Variants in EYA3 observed in about 807,000 individuals in gnomAD.
EYA3 encodes protein phosphatase EYA3.
EYA3 carries 39 observed loss-of-function variants against 80.0 expected under a neutral mutation model. That is an observed-to-expected ratio of 0.49 (90% CI 0.38 to 0.64). EYA3 has a LOEUF of 0.64. EYA3 is among the 30% of genes least tolerant of loss of function. The pLI is 0.00. For synonymous variants in EYA3, 206 were observed against 232.8 expected (o/e 0.88, Z 1.05); for missense variants, 523 against 676.1 (o/e 0.77, Z 2.51).
intron 1 of EYA3, among the ~76,000 whole-genome samples, chr1:28,076,679 A>AG (rs1322848134): frequency 1.6e-4 from 10 of 64,108 alleles, no homozygotes; most frequent in African/African-American, 5.2e-4. Flanking sequence ...AAAAAAAAAA[A>AG]AAAGAAAGAA....
chr1:28,003,373 G>A (rs1292106301), intron 11 of EYA3, among the ~76,000 whole-genome samples: 1 of 152,142 alleles, frequency 6.6e-6, no homozygotes, highest in African/African-American at 2.4e-5. Flanking sequence ...GGATGCTGAG[G>A]GAGGAGAATC....
intron 8 of EYA3, among the ~76,000 whole-genome samples, chr1:28,015,789 G>T (rs1192219127): frequency 6.6e-6 from 1 of 152,250 alleles, no homozygotes; most frequent in East Asian, 1.9e-4. Context: ...ATTGGGTAAG[G>T]TTGTGAGAAA....
chr1:28,008,681 T>C (rs1641474067), intron 10 of EYA3, among the ~76,000 whole-genome samples: 1 of 152,134 alleles, frequency 6.6e-6, no homozygotes, highest in Non-Finnish European at 1.5e-5. Flanking sequence ...AAGGTTCTCA[T>C]GCTTGTAATC....
chr1:28,052,398 T>C (rs573392568), intron 2 of EYA3, among the ~76,000 whole-genome samples: 1 of 152,324 alleles, frequency 6.6e-6, no homozygotes, highest in East Asian at 1.9e-4. Context: ...TGGAACAGAA[T>C]TGAGAGTCCT....
intron 14 of EYA3, among the ~76,000 whole-genome samples, chr1:27,991,335 A>G (rs771262650): frequency 2.6e-5 from 4 of 152,162 alleles, no homozygotes; most frequent in Non-Finnish European, 5.9e-5. Context: ...TGTTGACATG[A>G]AATTCCAGGT....
chr1:27,980,137 T>C (rs188967323), intron 16 of EYA3, among the ~76,000 whole-genome samples: 1 of 152,340 alleles, frequency 6.6e-6, no homozygotes, highest in Non-Finnish European at 1.5e-5. Context: ...TCAATCAATG[T>C]TTGCTGAGTA....
At chr1:28,056,169 G>A (rs1336376846) in intron 2 of EYA3, among the ~76,000 whole-genome samples, 1 of 152,062 alleles carries the variant, frequency 6.6e-6, no homozygotes, top group Non-Finnish European at 1.5e-5. Flanking sequence ...CCCATACTCT[G>A]AACCACCTCC....
chr1:28,034,025 CT>C, intron 6 of EYA3, among the ~76,000 whole-genome samples: 1 of 151,978 alleles, frequency 6.6e-6, no homozygotes, highest in East Asian at 2.0e-4. Flanking sequence ...GAAACCCTGT[CT>C]CTACTAAAAT....
At chr1:28,082,957 G>A (rs1557657825) in intron 1 of EYA3, among the ~76,000 whole-genome samples, 1 of 152,116 alleles carries the variant, frequency 6.6e-6, no homozygotes, top group Non-Finnish European at 1.5e-5. Flanking sequence ...TTTGCCTTAA[G>A]CCAGCATTAG....
In EYA3 at chr1:28,005,461, C is replaced by T. The variant is rs150776165; in HGVS notation, c.910-1042G>A. 2.4e-3 allele frequency among the ~76,000 whole-genome samples: 368 copies of T among 152,298 alleles called. 2 individuals carry two copies. The highest frequency in any genetic ancestry group is 8.0e-3 in the African/African-American group (333 of 41,536). ...AGGCACAGTGGCTCACACCTGTAAA[C>T]CTAGCACTGTGAGAGCCTGAAGCAG... is the stretch of plus-strand genomic sequence containing the variant. On this transcript the variant is annotated intron_variant, in intron 10 of 17. Coordinates refer to ENST00000373871, the MANE Select transcript of EYA3 (RefSeq NM_001990.4).
chr1:28,014,417 CA>C (rs1173842687), intron 8 of EYA3, among the ~76,000 whole-genome samples: 18,231 of 49,412 alleles, frequency 0.37, 1,420 homozygotes, highest in Non-Finnish European at 0.41. Context: ...CACACTGTCT[CA>C]AAAAAAAAAA....
intron 2 of EYA3, among the ~76,000 whole-genome samples, chr1:28,054,017 T>C (rs1244981745): frequency 6.6e-6 from 1 of 152,158 alleles, no homozygotes. Context: ...ATGGAGACTA[T>C]AAAAAGGATG....
intron 1 of EYA3, among the ~76,000 whole-genome samples, chr1:28,085,573 A>C (rs1432988713): frequency 6.6e-6 from 1 of 152,248 alleles, no homozygotes; most frequent in African/African-American, 2.4e-5. Context: ...ATAAAATGAC[A>C]AAAAAGAACC....
chr1:27,978,327 T>C, intron 17 of EYA3, 47 bp downstream of exon 17: 7 of 1,379,626 alleles, frequency 5.1e-6, no homozygotes, highest in Non-Finnish European at 7.2e-6. Flanking sequence ...ATTTTTCTCA[T>C]TACTCGATGT....
rs1553144717 is a variant in EYA3, at chr1:28,009,639, A to AAACTACAACAACAAC, written c.909+1307_909+1308insGTTGTTGTTGTAGTT. On this transcript the variant is annotated intron_variant, in intron 10 of 17. Transcript: ENST00000373871. The surrounding 1 kb of genome is among the most constrained non-coding windows in gnomAD (Gnocchi z 4.8). ...CACTCCAGCCTGAGACTCCATCTCA[A>AAACTACAACAACAAC]AACAACAACAACAACAACAACAACA... Among the ~76,000 whole-genome samples the AAACTACAACAACAAC allele has an allele frequency of 1.2e-4, 13 of 108,138 alleles. No individual in the cohort carries two copies. Among genetic ancestry groups the AAACTACAACAACAAC allele is most frequent in the Non-Finnish European group, 2.3e-4 (11 of 46,892 alleles). The allele number at this position is 108,138 out of a possible 152,430, so 70.9% of individuals were successfully genotyped here.
At chr1:27,977,771 C>G (rs1639022845) in intron 17 of EYA3, among the ~76,000 whole-genome samples, 1 of 151,432 alleles carries the variant, frequency 6.6e-6, no homozygotes, top group African/African-American at 2.4e-5. Context: ...TTGCTTGAAC[C>G]CAGGAGGCGG....
intron 5 of EYA3, 99 bp from the exon 6 acceptor site, chr1:28,035,779 C>T: frequency 8.9e-7 from 1 of 1,123,768 alleles, no homozygotes; most frequent in East Asian, 2.4e-5. Flanking sequence ...GAATCTGCAA[C>T]AAGGAGACTA....
At chr1:28,039,043 G>T in intron 4 of EYA3, 138 bp from the exon 5 acceptor site, 1 of 480,224 alleles carries the variant, frequency 2.1e-6, no homozygotes. Flanking sequence ...AAGACTATGT[G>T]GTAGAAAATA....
chr1:27,980,335 C>G (rs2148705424), intron 16 of EYA3, among the ~76,000 whole-genome samples: 1 of 152,324 alleles, frequency 6.6e-6, no homozygotes, highest in South Asian at 2.1e-4. Flanking sequence ...ACCAGATGCA[C>G]AGTCTACTAT....
Sources: allele counts gnomAD v4.1 joint callset (sites outside exome capture counted in the v4.1 genomes callset), GRCh38; gene constraint gnomAD v4.1.1; non-coding constraint Gnocchi (gnomAD v3.1); transcripts MANE v1.5; gene names NCBI Gene and HGNC (gene_info 2026-07-23, HGNC 2026-07-21).